The following RERE variants were observed in gnomAD, a reference collection of about 807,000 sequenced individuals.
RERE encodes arginine-glutamic acid dipeptide repeats protein.
Under a neutral mutation model 146.1 loss-of-function variants are expected in RERE, and 40 were observed. That is an observed-to-expected ratio of 0.27 (90% CI 0.21 to 0.36). The LOEUF (loss-of-function observed/expected upper bound fraction) is 0.36. RERE is among the 10% of genes least tolerant of loss of function. RERE has a pLI of 1.00. For missense variants in RERE, 1,933 were observed against 2,138.7 expected, an observed-to-expected ratio of 0.90 and a Z score of 1.90; for synonymous variants, 1,003 against 866.0, an observed-to-expected ratio of 1.16 and a Z score of -2.78.
chr1:8,659,889 TAG>T (rs1275428210), intron 1 of RERE, among the ~76,000 whole-genome samples: 10 of 152,034 alleles, frequency 6.6e-5, no homozygotes, highest in African/African-American at 1.2e-4. Flanking sequence ...ACAAAGAAAA[TAG>T]AGTTGTTTCT....
At chr1:8,359,200 G>A (rs1008912716) in intron 19 of RERE, among the ~76,000 whole-genome samples, 1 of 152,192 alleles carries the variant, frequency 6.6e-6, no homozygotes, top group South Asian at 2.1e-4. Context: ...GTTGTGTCTG[G>A]GAGTGACAGC....
At position 8,358,593 on chromosome 1, in the gene RERE, G is replaced by T. The variant is rs751808354; in HGVS notation, c.3942C>A (p.Ile1314=). Residue 1314 remains isoleucine (I), a synonymous_variant, in exon 20 of 23, where the codon ATC becomes ATA. Coordinates refer to ENST00000400908, the MANE Select transcript of RERE (RefSeq NM_001042681.2). ...TCCTCTCCCGCAGCTCCCGCTCTCG[G>T]ATCTCCCGCTCTCGGATCTCCCGCT... is the stretch of plus-strand genomic sequence containing the variant. ...LREREIRERE[I]RERELRERMK... is the part of the protein sequence containing the mutation. 2.5e-6 allele frequency: 4 copies of T among 1,600,448 alleles called. No homozygotes were observed. Among genetic ancestry groups the T allele is most frequent in the Non-Finnish European group, 3.4e-6 (4 of 1,173,472 alleles).
At chr1:8,726,919 C>T (rs957524899) in intron 1 of RERE, among the ~76,000 whole-genome samples, 6 of 151,982 alleles carry the variant, frequency 3.9e-5, no homozygotes, top group African/African-American at 1.5e-4. Flanking sequence ...AATTCCCCTA[C>T]CTCAGCCTCC....
intron 6 of RERE, among the ~76,000 whole-genome samples, chr1:8,555,349 T>C (rs937229326): frequency 1.5e-4 from 23 of 152,212 alleles, no homozygotes; most frequent in African/African-American, 5.3e-4. Flanking sequence ...TATGCCACAA[T>C]GGCTGAGCTG....
intron 1 of RERE, among the ~76,000 whole-genome samples, chr1:8,789,645 G>A (rs1403549978): frequency 6.6e-6 from 1 of 152,058 alleles, no homozygotes; most frequent in African/African-American, 2.4e-5. Flanking sequence ...GACACTCCGT[G>A]CCTAGCATTC....
intron 8 of RERE, among the ~76,000 whole-genome samples, chr1:8,507,217 C>G (rs530651022): frequency 6.6e-6 from 1 of 152,126 alleles, no homozygotes; most frequent in Admixed American, 6.5e-5. Flanking sequence ...TCAAGGCTGC[C>G]GTGAGCCGTG....
At chr1:8,495,249 G>T in intron 9 of RERE, 87 bp from the exon 10 acceptor site, 3 of 964,904 alleles carry the variant, frequency 3.1e-6, no homozygotes, top group Non-Finnish European at 5.0e-6. Flanking sequence ...GACATTTCCA[G>T]CCCAGAACAA....
chr1:8,432,096 T>C (rs1227742924), intron 11 of RERE, among the ~76,000 whole-genome samples: 2 of 152,192 alleles, frequency 1.3e-5, no homozygotes, highest in Admixed American at 6.5e-5. Flanking sequence ...ATTCCAGTTC[T>C]GGGCATTCTG....
intron 12 of RERE, among the ~76,000 whole-genome samples, chr1:8,391,885 G>A (rs1352607643): frequency 1.3e-5 from 2 of 152,088 alleles, no homozygotes; most frequent in Admixed American, 1.3e-4. Flanking sequence ...AAATTGGCTG[G>A]GCATGGTAGC....
chr1:8,487,866 A>G (rs761350227), intron 10 of RERE, among the ~76,000 whole-genome samples: 13 of 152,330 alleles, frequency 8.5e-5, no homozygotes, highest in Non-Finnish European at 1.9e-4. Flanking sequence ...TAGTTACAAC[A>G]GAATCCTCAA....
At chr1:8,498,977 A>T (rs1041591718) in intron 8 of RERE, among the ~76,000 whole-genome samples, 5 of 152,144 alleles carry the variant, frequency 3.3e-5, no homozygotes, top group African/African-American at 7.2e-5. Flanking sequence ...AAAAGAATTT[A>T]AAAAAATATT....
chr1:8,774,943 CTTTCTTTCTT>C (rs1315727901), intron 1 of RERE, among the ~76,000 whole-genome samples: 2 of 55,936 alleles, frequency 3.6e-5, no homozygotes, highest in African/African-American at 5.9e-5. Flanking sequence ...AGCATTTCTT[CTTTCTTTCTT>C]TTTTTTTTTT....
intron 10 of RERE, among the ~76,000 whole-genome samples, chr1:8,486,716 G>A (rs796637569): frequency 8.0e-6 from 1 of 125,160 alleles, no homozygotes; most frequent in Non-Finnish European, 1.6e-5. Flanking sequence ...TTGATCAAGA[G>A]GAAACAAATT....
rs555063233 is a variant in RERE, at chr1:8,564,840, G to A, written c.523-7317C>T. 5.4e-5 allele frequency among the ~76,000 whole-genome samples: 7 copies of A among 128,852 alleles called. No homozygotes were observed. In the South Asian group the frequency reaches 1.4e-3, roughly 26 times the overall value. The allele number at this position is 128,852 out of a possible 152,430, so 84.5% of individuals were successfully genotyped here. A position where few individuals can be genotyped will look rare whatever the true frequency, so the allele number is the denominator to read the frequency against. On this transcript the variant is annotated intron_variant, in intron 4 of 22. Transcript: ENST00000400908. ...TGTGTGTGTATATGTGTATGTGTGT[G>A]TGTGTGTGTGTGTGTGTGTGTGTGT...
At chr1:8,739,071 G>A (rs1272097908) in intron 1 of RERE, among the ~76,000 whole-genome samples, 1 of 152,130 alleles carries the variant, frequency 6.6e-6, no homozygotes. Flanking sequence ...AAACTACATG[G>A]TAATTTGAAC....
chr1:8,421,672 AAGAC>A (rs1269668435), intron 12 of RERE, among the ~76,000 whole-genome samples: 37 of 152,364 alleles, frequency 2.4e-4, no homozygotes, highest in Admixed American at 1.8e-3. Context: ...CATTTTTAAA[AAGAC>A]AGAATTAAAC....
intron 8 of RERE, among the ~76,000 whole-genome samples, chr1:8,506,837 T>TTTCTCA (rs1480925524): frequency 6.6e-6 from 1 of 152,218 alleles, no homozygotes; most frequent in Non-Finnish European, 1.5e-5. Context: ...TTATGTGCAC[T>TTTCTCA]GAGAAAGGAT....
At chr1:8,730,266 CA>C (rs1640053405) in intron 1 of RERE, among the ~76,000 whole-genome samples, 1 of 152,210 alleles carries the variant, frequency 6.6e-6, no homozygotes, top group Admixed American at 6.5e-5. Flanking sequence ...TCAAGAGACC[CA>C]GGTTCTAGTC....
chr1:8,663,326 C>G (rs756047397), intron 1 of RERE, among the ~76,000 whole-genome samples: 2 of 152,104 alleles, frequency 1.3e-5, no homozygotes, highest in African/African-American at 2.4e-5. Context: ...ATACAGTGAG[C>G]GAAGTCCTCC....
Sources: allele counts gnomAD v4.1 joint callset (sites outside exome capture counted in the v4.1 genomes callset), GRCh38; gene constraint gnomAD v4.1.1; transcripts MANE v1.5; gene names NCBI Gene and HGNC (gene_info 2026-07-23, HGNC 2026-07-21).